Variants in EP400 observed in about 807,000 individuals in gnomAD.
EP400 encodes the protein E1A binding protein p400.
In EP400, 105 loss-of-function variants were observed where a neutral mutation model predicts 354.1. The observed-to-expected ratio is 0.30, with a 90% CI of 0.25 to 0.35. The LOEUF (loss-of-function observed/expected upper bound fraction) is 0.35, where lower values mean the gene tolerates loss of function less well. Ranked by LOEUF, EP400 falls within the 10% of genes least tolerant of loss-of-function variation. The probability of loss-of-function intolerance (pLI) is 1.00; values close to 1 mark genes in which losing one functional copy is unlikely to be tolerated. For missense variants in EP400, 3,280 were observed against 4,121.0 expected, an observed-to-expected ratio of 0.80 and a Z score of 5.59; for synonymous variants, 1,646 against 1,716.9, an observed-to-expected ratio of 0.96 and a Z score of 1.02.
rs551072213 is a variant in EP400, at chr12:132,052,721, T to C, written c.7395-425T>C. On this transcript the variant is annotated intron_variant, in intron 41 of 52. Coordinates refer to ENST00000389561, the MANE Select transcript of EP400 (RefSeq NM_015409.5). This position sits in a 1 kb window ranked among gnomAD's most constrained non-coding sequence, Gnocchi z 4.4. ...TTATGGACCGCGGGCCTGCGCGGCG[T>C]GGAGCCTGGGCATTCTCGGGGGAGC... Among the ~76,000 whole-genome samples the C allele has an allele frequency of 2.0e-5, 3 of 152,130 alleles. No individual in the cohort carries two copies. The East Asian group carries it at 5.8e-4, about 29-fold the overall frequency.
rs750846173 is a variant in EP400 at position 132,045,934 on chromosome 12, C to T, written c.7200+34C>T. On this transcript the variant is annotated intron_variant, in intron 39 of 52. Transcript: ENST00000389561. ...GGTCTCGTTTGTCCTTCGAGGAGAG[C>T]ACAGGCAGGTGTGGTGGCCGTGGCC... The T allele has an allele frequency of 8.7e-6, 14 of 1,609,118 alleles. No individual in the cohort carries two copies. The South Asian group carries it at 1.4e-4, about 17-fold the overall frequency.
Position 132,025,683 on chromosome 12 carries a change from C to G in EP400, c.4893C>G (p.Pro1631=). ...AGATCGTGTCCGCCCCCGGGCAGCC[C>G]TACCTTCGAGCCCCTGGCCCTGTGG... ...VLQIVSAPGQ[P]YLRAPGPVVM... Residue 1631 remains proline (P), a synonymous_variant, in exon 25 of 53, where the codon CCC becomes CCG. Coordinates refer to ENST00000389561, the MANE Select transcript of EP400 (RefSeq NM_015409.5). This position sits in a 1 kb window ranked among gnomAD's most constrained non-coding sequence, Gnocchi z 4.1. 2 of 1,612,632 alleles carry G rather than the reference C, an allele frequency of 1.2e-6. No homozygotes were observed. Among genetic ancestry groups the G allele is most frequent in the Non-Finnish European group, 1.7e-6 (2 of 1,179,446 alleles).
At position 132,027,574 on chromosome 12, in the gene EP400, G is replaced by C. The variant is rs959293307; in HGVS notation, c.5109+43G>C. ...AGACCCCGGTGCACGTGGACAGGTA[G>C]CTTTCCAAGAGCTGCTCGTTGTGTT... On this transcript the variant is annotated intron_variant, in intron 26 of 52. Transcript: ENST00000389561. This position sits in a 1 kb window ranked among gnomAD's most constrained non-coding sequence, Gnocchi z 4.9. 6.6e-7 allele frequency: 1 copy of C among 1,513,726 alleles called. No individual in the cohort carries two copies. The highest frequency in any genetic ancestry group is 9.0e-7 in the Non-Finnish European group (1 of 1,111,776). The allele number at this position is 1,513,726 out of a possible 1,614,324, so 93.8% of individuals were successfully genotyped here.
Position 132,027,852 on chromosome 12 carries a change from G to A in EP400, c.5110-165G>A, listed in dbSNP as rs1593357240. On this transcript the variant is annotated intron_variant, in intron 26 of 52. Coordinates refer to ENST00000389561, the MANE Select transcript of EP400 (RefSeq NM_015409.5). The surrounding 1 kb of genome is among the most constrained non-coding windows in gnomAD (Gnocchi z 4.9). ...GGCTTCATTTCCATCTCTATTTCCTGTAGCTCTCGGCTTCATTTCTATCTC... is the reference window on the plus strand; with the variant it reads ...GGCTTCATTTCCATCTCTATTTCCTATAGCTCTCGGCTTCATTTCTATCTC... Among the ~76,000 whole-genome samples, 1 of 152,098 alleles carries A rather than the reference G, an allele frequency of 6.6e-6. No homozygotes were observed. The highest frequency in any genetic ancestry group is 2.1e-4 in the South Asian group (1 of 4,834).
chr12:131,953,369 A>C lies in EP400; in HGVS notation c.-36+3333A>C, dbSNP rs536558021. Among the ~76,000 whole-genome samples the C allele has an allele frequency of 2.0e-5, 3 of 152,360 alleles. No individual in the cohort carries two copies. The South Asian group carries it at 6.2e-4, about 32-fold the overall frequency. On this transcript the variant is annotated intron_variant, in intron 1 of 52. Transcript: ENST00000389561. ...TTCTTGAACTTCTCTCACAAGCTGA[A>C]ATAGATCCCACCTGTTCTAGTATAG... is the stretch of plus-strand genomic sequence containing the variant.
rs1893062686 is a variant in EP400 at position 131,992,223 on chromosome 12, T to C, written c.2730T>C (p.Asp910=). ...GAAAAGCTAGCATATCTTTGACTGA[T>C]GACGAAGGTCTGTTCCCCCTCAGCA... is the stretch of plus-strand genomic sequence containing the variant. The part of the protein sequence containing the change: ...RKRKASISLT[D]DEVDDEEETI... Residue 910 remains aspartate (D), a synonymous_variant, in exon 11 of 53, where the codon GAT becomes GAC. Coordinates refer to ENST00000389561, the MANE Select transcript of EP400 (RefSeq NM_015409.5). 3 of 1,610,484 alleles carry C rather than the reference T, an allele frequency of 1.9e-6. No homozygotes were observed. The highest frequency in any genetic ancestry group is 2.7e-5 in the African/African-American group (2 of 75,010).
intron 12 of EP400, among the ~76,000 whole-genome samples, chr12:132,003,939 A>T (rs2136520930): frequency 6.6e-6 from 1 of 152,374 alleles, no homozygotes; most frequent in African/African-American, 2.4e-5. Context: ...GTTTTGGCTC[A>T]ACAGTCTTTG....
chr12:132,006,406 C>A, intron 14 of EP400, 104 bp downstream of exon 14: 1 of 1,333,824 alleles, frequency 7.5e-7, no homozygotes, highest in Non-Finnish European at 1.0e-6. Context: ...TGGTCTATCC[C>A]AACTGCAGAG....
intron 1 of EP400, among the ~76,000 whole-genome samples, chr12:131,950,553 C>T (rs1891434673): frequency 6.6e-6 from 1 of 152,154 alleles, no homozygotes; most frequent in South Asian, 2.1e-4. Flanking sequence ...TCCCGGGCGT[C>T]CCGGAACGCG....
At chr12:132,030,288 C>CT (rs1432786449) in intron 29 of EP400, 130 bp downstream of exon 29, 57 of 1,091,586 alleles carry the variant, frequency 5.2e-5, no homozygotes, top group Non-Finnish European at 6.8e-5. Context: ...AGCTTCTGAA[C>CT]TTTTTAAAGT....
chr12:132,009,738 C>T (rs1347657197), intron 15 of EP400, among the ~76,000 whole-genome samples: 1 of 151,828 alleles, frequency 6.6e-6, no homozygotes, highest in Non-Finnish European at 1.5e-5. Flanking sequence ...TGGCTCACTG[C>T]AGCCTCAGCC....
intron 30 of EP400, among the ~76,000 whole-genome samples, chr12:132,037,461 G>A (rs1458698679): frequency 6.6e-6 from 1 of 152,218 alleles, no homozygotes; most frequent in African/African-American, 2.4e-5. Flanking sequence ...ACAGCGAAGA[G>A]TCTTCCGGAG....
In EP400 at chr12:131,979,701, C is replaced by G; in HGVS notation, c.1343C>G (p.Ala448Gly). Residue 448 changes from alanine to glycine, a missense_variant, in exon 3 of 53, where the codon GCC (alanine) becomes GGC (glycine). By Grantham distance (60) the Ala-to-Gly change is moderately conservative (BLOSUM62 0). This residue lies in a region of EP400 where 800 missense variants were observed against 840.0 expected (regional missense o/e 0.95). Coordinates refer to ENST00000389561, the MANE Select transcript of EP400 (RefSeq NM_015409.5). ...KSEVINDEQQ[A>G]LAGSLVAGAG... The stretch of plus-strand genomic sequence containing the variant: ...TTTCATCTTTTTTCCCAGCAGCAAG[C>G]CCTCGCAGGGAGCCTGGTAGCAGGG... The G allele has an allele frequency of 6.2e-7, 1 of 1,605,550 alleles. No homozygotes were observed. Among genetic ancestry groups the G allele is most frequent in the South Asian group, 1.1e-5 (1 of 89,952 alleles).
chr12:131,962,452 T>G (rs904869980), intron 2 of EP400, among the ~76,000 whole-genome samples: 2 of 152,198 alleles, frequency 1.3e-5, no homozygotes, highest in African/African-American at 4.8e-5. Context: ...GTCACTAGCT[T>G]TTTATAATAA....
At chr12:131,968,768 A>T (rs1254602353) in intron 2 of EP400, among the ~76,000 whole-genome samples, 2 of 152,142 alleles carry the variant, frequency 1.3e-5, no homozygotes, top group African/African-American at 2.4e-5. Context: ...TGTAACTTTC[A>T]GCATACCATA....
chr12:131,957,186 T>C (rs987305549), intron 1 of EP400, among the ~76,000 whole-genome samples: 3 of 152,142 alleles, frequency 2.0e-5, no homozygotes, highest in Admixed American at 2.0e-4. Context: ...TTGTCTTTAA[T>C]TAATTTTTCT....
chr12:132,025,825 G>T lies in EP400; in HGVS notation c.5014+21G>T. 1 of 1,559,176 alleles carries T rather than the reference G, an allele frequency of 6.4e-7. No homozygotes were observed. The highest frequency in any genetic ancestry group is 1.2e-5 in the South Asian group (1 of 84,202). On this transcript the variant is annotated intron_variant, in intron 25 of 52. Transcript: ENST00000389561. This position sits in a 1 kb window ranked among gnomAD's most constrained non-coding sequence, Gnocchi z 4.1. ...ACAAGGTAGGGTGCTCTGAGCAGGA[G>T]GGAGACTTGGCTTGGATGCTTCTTT...
At chr12:132,007,989 C>G (rs1357024249) in intron 15 of EP400, among the ~76,000 whole-genome samples, 1 of 151,982 alleles carries the variant, frequency 6.6e-6, no homozygotes, top group Non-Finnish European at 1.5e-5. Flanking sequence ...CTCTTGTTGC[C>G]CAGGCTGGAG....
rs1692913766 is a variant in EP400 at position 132,038,283 on chromosome 12, A to G, written c.6207+187A>G. The stretch of plus-strand genomic sequence containing the variant: ...ATGGGGATTTTGAACTGTAAATACA[A>G]GTGAGGGGAATGGTGGCGAAGGTCG... On this transcript the variant is annotated intron_variant, in intron 32 of 52. Transcript: ENST00000389561. This position sits in a 1 kb window ranked among gnomAD's most constrained non-coding sequence, Gnocchi z 4.2. 6.6e-6 allele frequency among the ~76,000 whole-genome samples: 1 copy of G among 152,194 alleles called. No individual in the cohort carries two copies. The highest frequency in any genetic ancestry group is 2.4e-5 in the African/African-American group (1 of 41,460).
Sources: allele counts gnomAD v4.1 joint callset (sites outside exome capture counted in the v4.1 genomes callset), GRCh38; gene constraint gnomAD v4.1.1; regional missense constraint gnomAD v4.1.1; non-coding constraint Gnocchi (gnomAD v3.1); transcripts MANE v1.5; gene names NCBI Gene and HGNC (gene_info 2026-07-23, HGNC 2026-07-21).